The following EVC2 variants were observed in gnomAD, a reference collection of about 807,000 sequenced individuals.
The protein encoded by EVC2 is limbin.
In EVC2, 148 loss-of-function variants were observed where a neutral mutation model predicts 149.3. The observed-to-expected ratio is 0.99, with a 90% confidence interval of 0.87 to 1.14. EVC2 has a LOEUF of 1.14. Among genes scored for constraint, EVC2 ranks in the 50% most tolerant of loss-of-function variants. The pLI is 0.00. For synonymous variants in EVC2, 776 were observed against 649.9 expected (o/e 1.19, Z -2.95); for missense variants, 1,854 against 1,627.3 (o/e 1.14, Z -2.40).
intron 17 of EVC2, among the ~76,000 whole-genome samples, chr4:5,580,094 T>TTCTTAGGAAATTAC (rs370469474): frequency 0.013 from 1,961 of 152,348 alleles, 37 homozygotes; most frequent in African/African-American, 0.045. Context: ...TGATATAGTT[T>TTCTTAGGAAATTAC]TCTTAGGAGT....
intron 9 of EVC2, among the ~76,000 whole-genome samples, chr4:5,653,951 T>C (rs1213256783): frequency 1.3e-5 from 2 of 152,216 alleles, no homozygotes; most frequent in Non-Finnish European, 2.9e-5. Flanking sequence ...TGGTGGTTCA[T>C]GCCTGTAATC....
At position 5,640,776 on chromosome 4, in the gene EVC2, C is replaced by T. The variant is rs202093384; in HGVS notation, c.1208G>A (p.Ser403Asn). The T allele has an allele frequency of 4.8e-4, 777 of 1,614,180 alleles. 2 individuals carry two copies. In the South Asian group the frequency reaches 5.5e-3, roughly 11 times the overall value. The part of the protein sequence containing the change: ...ADLEACRTQI[S>N]KDIIALLLKN... ...CAGCAGAAGGGCAATGATATCCTTGCTGATTTGTGTTCGACAAGCCTCCAG... is the reference window on the plus strand; with the variant it reads ...CAGCAGAAGGGCAATGATATCCTTGTTGATTTGTGTTCGACAAGCCTCCAG... The change falls in exon 10 of 22, where the codon AGC becomes AAC. Residue 403 changes from serine (S) to asparagine (N), a missense_variant. Coordinates refer to ENST00000344408, the MANE Select transcript of EVC2 (RefSeq NM_147127.5). This position sits in a 1 kb window ranked among gnomAD's most constrained non-coding sequence, Gnocchi z 4.6.
intron 9 of EVC2, among the ~76,000 whole-genome samples, chr4:5,655,193 T>C (rs1444256871): frequency 6.6e-6 from 1 of 152,172 alleles, no homozygotes; most frequent in African/African-American, 2.4e-5. Context: ...AACCCCGTCA[T>C]GTCAGGTGCT....
chr4:5,666,998 G>A (rs1719327337), intron 7 of EVC2, among the ~76,000 whole-genome samples: 1 of 152,114 alleles, frequency 6.6e-6, no homozygotes, highest in South Asian at 2.1e-4. Flanking sequence ...AAGTGTGCCT[G>A]ATGGCCTTTT....
chr4:5,561,128 A>G (rs557300645), downstream of EVC2, among the ~76,000 whole-genome samples: 1 of 152,332 alleles, frequency 6.6e-6, no homozygotes, highest in South Asian at 2.1e-4. Context: ...TCTACTTTCA[A>G]CTATGCATAA....
At chr4:5,530,506 C>T in the EVC2 span, among the ~76,000 whole-genome samples, 2 of 149,368 alleles carry the variant, frequency 1.3e-5, no homozygotes, top group East Asian at 2.3e-4. Flanking sequence ...ACATATGAAT[C>T]TCCTCACACA....
In EVC2 at chr4:5,543,834, C is replaced by A. The variant is rs1025724397; in HGVS notation, c.3420-622G>T. Among the ~76,000 whole-genome samples the A allele has an allele frequency of 1.1e-3, 171 of 152,182 alleles. 2 individuals carry two copies. The highest frequency in any genetic ancestry group is 1.0e-3 in the South Asian group (5 of 4,828). ...GCGAGGGGCATCTGGGCAGGACACT[C>A]TCACAGCATCCACCACCCCTGCATA... On this transcript the variant is annotated intron_variant and NMD_transcript_variant, in intron 21 of 22. Coordinates refer to the EVC2 transcript ENST00000475313.
intron 6 of EVC2, among the ~76,000 whole-genome samples, chr4:5,682,204 T>C (rs1720394560): frequency 1.3e-5 from 2 of 152,110 alleles, no homozygotes; most frequent in Non-Finnish European, 2.9e-5. Flanking sequence ...GTAGTAGCAA[T>C]AGCAGGCCGG....
chr4:5,647,174 G>A (rs1272569973), intron 9 of EVC2, among the ~76,000 whole-genome samples: 1 of 152,172 alleles, frequency 6.6e-6, no homozygotes, highest in African/African-American at 2.4e-5. Flanking sequence ...GATACCCACA[G>A]GGGAATAATG....
chr4:5,632,369 C>T (rs1191830541), intron 10 of EVC2, among the ~76,000 whole-genome samples: 1 of 152,168 alleles, frequency 6.6e-6, no homozygotes, highest in African/African-American at 2.4e-5. Flanking sequence ...CACACATAGA[C>T]ACACACACAG....
Position 5,618,609 on chromosome 4 carries a change from A to G in EVC2, c.2575T>C (p.Phe859Leu), listed in dbSNP as rs542471141. 6.2e-7 allele frequency: 1 copy of G among 1,613,726 alleles called. No individual in the cohort carries two copies. The highest frequency in any genetic ancestry group is 1.1e-5 in the South Asian group (1 of 90,914). The change falls in exon 15 of 22, where the codon TTT becomes CTT. Residue 859 changes from phenylalanine (F) to leucine (L), a missense_variant. Phe to Leu is a conservative substitution (Grantham distance 22, BLOSUM62 0). Transcript: ENST00000344408. The surrounding 1 kb of genome is among the most constrained non-coding windows in gnomAD (Gnocchi z 4.4). The stretch of plus-strand genomic sequence containing the variant: ...GCCAAGCTCCTGTCCATCTGAGCAA[A>G]GCAGCCATGGACCTCCTGCCTCATC... ...LRMRQEVHGC[F>L]AQMDRSLALP... is the part of the protein sequence containing the mutation.
At chr4:5,571,650 G>C (rs1339130667) in intron 19 of EVC2, among the ~76,000 whole-genome samples, 1 of 152,094 alleles carries the variant, frequency 6.6e-6, no homozygotes, top group Non-Finnish European at 1.5e-5. Flanking sequence ...CTTCCCTGAT[G>C]ATTCTTTTCT....
At chr4:5,561,061 C>A (rs564098852), downstream of EVC2, among the ~76,000 whole-genome samples, 19 of 152,170 alleles carry the variant, frequency 1.2e-4, no homozygotes, top group Non-Finnish European at 2.2e-4. Context: ...CTAACAGCCT[C>A]TTCAATCAGG....
intron 3 of EVC2, 65 bp downstream of exon 3, chr4:5,694,270 C>G: frequency 6.4e-7 from 1 of 1,560,306 alleles, no homozygotes; most frequent in Non-Finnish European, 8.8e-7. Context: ...ATTTTATATA[C>G]AGGCCATAAT....
intron 11 of EVC2, among the ~76,000 whole-genome samples, 158 bp downstream of exon 11, chr4:5,631,635 T>G (rs984420473): frequency 4.6e-5 from 7 of 152,122 alleles, no homozygotes; most frequent in Non-Finnish European, 1.0e-4. Flanking sequence ...AGCCACCATT[T>G]TCCCTGCTTA....
chr4:5,685,113 T>C (rs1042856568), intron 6 of EVC2, among the ~76,000 whole-genome samples: 4 of 152,192 alleles, frequency 2.6e-5, no homozygotes, highest in African/African-American at 9.6e-5. Flanking sequence ...TTCACATGTA[T>C]TGATTACCTA....
Position 5,689,233 on chromosome 4 carries a change from A to T in EVC2, c.630T>A (p.Ala210=), listed in dbSNP as rs1386228779. 1 of 1,614,130 alleles carries T rather than the reference A, an allele frequency of 6.2e-7. No individual in the cohort carries two copies. The highest frequency in any genetic ancestry group is 8.5e-7 in the Non-Finnish European group (1 of 1,180,044). ...LSELLLLDSI[A]GLTIWDSVGN... is the part of the protein sequence containing the mutation. ...CCACAGAGTCCCAAATGGTGAGACC[A>T]GCAATGCTGTCCAGCAAGAGCAGCT... Residue 210 remains alanine (A), a synonymous_variant, in exon 5 of 22, where the codon GCT becomes GCA. Coordinates refer to ENST00000344408, the MANE Select transcript of EVC2 (RefSeq NM_147127.5).
At chr4:5,591,026 A>G (rs997027064) in intron 16 of EVC2, among the ~76,000 whole-genome samples, 6 of 152,134 alleles carry the variant, frequency 3.9e-5, no homozygotes, top group African/African-American at 1.4e-4. Flanking sequence ...TGATTAAGTT[A>G]CCTCTCACTA....
Position 5,640,586 on chromosome 4 carries a change from C to T in EVC2, c.1398G>A (p.Met466Ile), listed in dbSNP as rs760156145. 2.5e-6 allele frequency: 4 copies of T among 1,613,996 alleles called. No homozygotes were observed. The East Asian group carries it at 6.7e-5, about 27-fold the overall frequency. The change falls in exon 10 of 22, where the codon ATG (methionine) becomes ATA (isoleucine). Residue 466 changes from methionine to isoleucine, a missense_variant. Physicochemically the swap from Met to Ile is conservative, Grantham distance 10 (BLOSUM62 1). Coordinates refer to ENST00000344408, the MANE Select transcript of EVC2 (RefSeq NM_147127.5). The surrounding 1 kb of genome is among the most constrained non-coding windows in gnomAD (Gnocchi z 4.6). Reference protein sequence around the residue: ...AECDLETRKKMENQYQREMMA... With the variant: ...AECDLETRKKIENQYQREMMA... ...TCATCTCTCTCTGGTACTGGTTTTC[C>T]ATCTTCTTTCTTGTTTCCAGGTCAC...
Sources: allele counts gnomAD v4.1 joint callset (sites outside exome capture counted in the v4.1 genomes callset), GRCh38; gene constraint gnomAD v4.1.1; non-coding constraint Gnocchi (gnomAD v3.1); transcripts MANE v1.5; gene names NCBI Gene and HGNC (gene_info 2026-07-23, HGNC 2026-07-21).